Variants in FOXP1 observed in about 807,000 individuals in gnomAD.
FOXP1 encodes the protein forkhead box protein P1.
Under a neutral mutation model 98.2 loss-of-function variants are expected in FOXP1, and 15 were observed. That is an observed-to-expected ratio of 0.15 (90% CI 0.10 to 0.24). FOXP1 has a LOEUF of 0.24. Among genes scored for constraint, FOXP1 ranks in the 10% least tolerant of loss-of-function variants. The pLI, the probability that FOXP1 is intolerant of heterozygous loss-of-function variation, is 1.00. For missense variants in FOXP1, 633 were observed against 848.5 expected (o/e 0.75, Z 3.15); for synonymous variants, 371 against 314.5 (o/e 1.18, Z -1.90).
chr3:71,158,111 G>GGAAGGGAGGGAGGGAA (rs1560038283), intron 6 of FOXP1, among the ~76,000 whole-genome samples: 28 of 57,966 alleles, frequency 4.8e-4, no homozygotes, highest in Non-Finnish European at 8.3e-4. Context: ...AAGGAAGGGA[G>GGAAGGGAGGGAGGGAA]GGAGGGAGGG....
intron 6 of FOXP1, among the ~76,000 whole-genome samples, chr3:71,188,151 C>T (rs1261587797): frequency 6.6e-6 from 1 of 152,178 alleles, no homozygotes; most frequent in African/African-American, 2.4e-5. Flanking sequence ...AAGCAAAAGA[C>T]ATTTTACGCA....
intron 5 of FOXP1, among the ~76,000 whole-genome samples, chr3:71,244,298 C>T (rs552884152): frequency 3.6e-4 from 55 of 152,260 alleles, no homozygotes; most frequent in African/African-American, 1.3e-3. Flanking sequence ...TGCGTGCGCT[C>T]TCATCCCTCG....
At chr3:71,564,491 G>A (rs1008600972) in intron 2 of FOXP1, among the ~76,000 whole-genome samples, 1 of 152,166 alleles carries the variant, frequency 6.6e-6, no homozygotes, top group Non-Finnish European at 1.5e-5. Context: ...GAAGATCAAG[G>A]TAAATCAGAA....
chr3:71,278,612 C>G (rs2071173553), intron 5 of FOXP1, among the ~76,000 whole-genome samples: 1 of 152,054 alleles, frequency 6.6e-6, no homozygotes, highest in African/African-American at 2.4e-5. Flanking sequence ...GAAACCCCAT[C>G]TCTACTACAA....
intron 6 of FOXP1, among the ~76,000 whole-genome samples, chr3:71,121,743 C>T (rs1443858370): frequency 6.6e-6 from 1 of 152,166 alleles, no homozygotes; most frequent in African/African-American, 2.4e-5. Context: ...TGAAGTAAAA[C>T]AGAAGTGAAG....
chr3:71,458,644 C>T (rs1345060027), intron 3 of FOXP1, among the ~76,000 whole-genome samples: 1 of 152,204 alleles, frequency 6.6e-6, no homozygotes, highest in Non-Finnish European at 1.5e-5. Context: ...TACTCTACAT[C>T]TTTATTCAAA....
At chr3:70,994,300 T>A (rs2041057339) in intron 13 of FOXP1, among the ~76,000 whole-genome samples, 1 of 151,902 alleles carries the variant, frequency 6.6e-6, no homozygotes, top group Admixed American at 6.6e-5. Context: ...ACTCTTCCAG[T>A]TTTGAAACTG....
intron 2 of FOXP1, among the ~76,000 whole-genome samples, chr3:71,504,795 C>A (rs2041682838): frequency 6.6e-6 from 1 of 152,196 alleles, no homozygotes; most frequent in African/African-American, 2.4e-5. Flanking sequence ...CACGCTGGTC[C>A]TTCACCCTGG....
chr3:71,297,504 A>G (rs1271131786), intron 5 of FOXP1, among the ~76,000 whole-genome samples: 1 of 149,292 alleles, frequency 6.7e-6, no homozygotes, highest in African/African-American at 2.4e-5. Flanking sequence ...AAAAAAAAAA[A>G]CAAAACAACA....
intron 5 of FOXP1, among the ~76,000 whole-genome samples, chr3:71,224,416 T>C (rs777693424): frequency 1.3e-4 from 20 of 152,110 alleles, no homozygotes; most frequent in Non-Finnish European, 2.6e-4. Flanking sequence ...AGAGATGGTA[T>C]AGAGGGTACT....
intron 11 of FOXP1, among the ~76,000 whole-genome samples, chr3:71,033,256 A>T (rs893007436): frequency 1.3e-5 from 2 of 152,178 alleles, no homozygotes; most frequent in Non-Finnish European, 2.9e-5. Context: ...TGTCTACCTT[A>T]CAAGGTGAAA....
At chr3:71,482,066 C>T (rs2090318122) in intron 3 of FOXP1, among the ~76,000 whole-genome samples, 1 of 152,146 alleles carries the variant, frequency 6.6e-6, no homozygotes, top group South Asian at 2.1e-4. Flanking sequence ...TCACTCTTGT[C>T]CTCCAGAGAT....
At chr3:71,391,203 T>C (rs561452986) in intron 3 of FOXP1, among the ~76,000 whole-genome samples, 9 of 152,340 alleles carry the variant, frequency 5.9e-5, no homozygotes, top group African/African-American at 1.7e-4. Context: ...CAGGTTTCAA[T>C]ATTAAGAGTC....
intron 5 of FOXP1, among the ~76,000 whole-genome samples, chr3:71,207,532 T>G (rs1048534735): frequency 2.6e-5 from 4 of 152,210 alleles, no homozygotes; most frequent in African/African-American, 9.6e-5. Context: ...TATATGTATT[T>G]TCCCCCCTGA....
At chr3:71,480,705 A>C (rs747277513) in intron 3 of FOXP1, among the ~76,000 whole-genome samples, 26 of 152,174 alleles carry the variant, frequency 1.7e-4, no homozygotes, top group Non-Finnish European at 3.5e-4. Context: ...AAGATCTGCT[A>C]ACTCTCCTCA....
At chr3:71,489,518 T>C (rs2090911009) in intron 3 of FOXP1, among the ~76,000 whole-genome samples, 1 of 152,176 alleles carries the variant, frequency 6.6e-6, no homozygotes, top group Non-Finnish European at 1.5e-5. Context: ...ATGATCACAT[T>C]TATTAATAAC....
chr3:71,516,324 AGGAG>A (rs2042578282), intron 2 of FOXP1, among the ~76,000 whole-genome samples: 1 of 152,192 alleles, frequency 6.6e-6, no homozygotes, highest in South Asian at 2.1e-4. Flanking sequence ...GAGTATGAGA[AGGAG>A]GGATAGAAAA....
chr3:71,295,109 G>A (rs746249160), intron 5 of FOXP1, among the ~76,000 whole-genome samples: 4 of 152,114 alleles, frequency 2.6e-5, no homozygotes, highest in Non-Finnish European at 5.9e-5. Flanking sequence ...TGTGTGTACG[G>A]GGGATCAGGG....
chr3:70,963,094 T>C (rs1348056966), intron 20 of FOXP1, among the ~76,000 whole-genome samples: 1 of 152,214 alleles, frequency 6.6e-6, no homozygotes, highest in Non-Finnish European at 1.5e-5. Flanking sequence ...AAAACACGTT[T>C]TCCCCCTAAA....
Sources: allele counts gnomAD v4.1 joint callset (sites outside exome capture counted in the v4.1 genomes callset), GRCh38; gene constraint gnomAD v4.1.1; transcripts MANE v1.5; gene names NCBI Gene and HGNC (gene_info 2026-07-23, HGNC 2026-07-21).